ORC5: variants seen among roughly 807,000 people sequenced by gnomAD.
ORC5 encodes the protein protein phosphatase 1, regulatory subunit 117.
In ORC5, 39 loss-of-function variants were observed where a neutral mutation model predicts 58.8. The ratio of observed to expected loss-of-function variants is 0.66; its 90% CI spans 0.51 to 0.87. The LOEUF (loss-of-function observed/expected upper bound fraction) is 0.87. Ranked by LOEUF, ORC5 falls within the 40% of genes least tolerant of loss-of-function variation. The pLI, the probability that ORC5 is intolerant of heterozygous loss-of-function variation, is 0.00. For missense variants in ORC5, 493 were observed against 506.3 expected (o/e 0.97, Z 0.25); for synonymous variants, 218 against 177.6 (o/e 1.23, Z -1.81).
intron 12 of ORC5, among the ~76,000 whole-genome samples, chr7:104,137,306 G>C (rs1798606203): frequency 6.6e-6 from 1 of 151,254 alleles, no homozygotes; most frequent in African/African-American, 2.4e-5. Context: ...GTTTTGTAGA[G>C]ACAGGGTCTC....
intron 6 of ORC5, among the ~76,000 whole-genome samples, chr7:104,185,815 T>C (rs1193572717): frequency 6.6e-6 from 1 of 151,874 alleles, no homozygotes; most frequent in Admixed American, 6.6e-5. Flanking sequence ...TATATATTAG[T>C]TTGTTCCCAA....
chr7:104,161,989 TAATAA>T (rs759424120), intron 11 of ORC5, among the ~76,000 whole-genome samples: 13 of 152,174 alleles, frequency 8.5e-5, no homozygotes, highest in Non-Finnish European at 1.5e-4. Context: ...CTTAGAAAAC[TAATAA>T]AATATTTTAT....
chr7:104,192,406 A>G (rs1799696091), intron 5 of ORC5, among the ~76,000 whole-genome samples: 2 of 152,170 alleles, frequency 1.3e-5, no homozygotes, highest in Admixed American at 1.3e-4. Flanking sequence ...CACTAGTCAG[A>G]AGGCAGAGAC....
chr7:104,147,807 C>T (rs1411848962), intron 12 of ORC5, among the ~76,000 whole-genome samples: 1 of 152,194 alleles, frequency 6.6e-6, no homozygotes, highest in Non-Finnish European at 1.5e-5. Context: ...CAAAATAATA[C>T]TTCACATTGG....
At chr7:104,200,417 AT>A (rs2116086185) in intron 3 of ORC5, among the ~76,000 whole-genome samples, 1 of 152,244 alleles carries the variant, frequency 6.6e-6, no homozygotes, top group South Asian at 2.1e-4. Context: ...TCTATCTGAA[AT>A]TCCTCTACTT....
At chr7:104,162,043 T>A (rs1245762602) in intron 11 of ORC5, among the ~76,000 whole-genome samples, 2 of 152,208 alleles carry the variant, frequency 1.3e-5, no homozygotes, top group African/African-American at 2.4e-5. Context: ...ATGTAAAATT[T>A]AAAAAAATTT....
intron 2 of ORC5, among the ~76,000 whole-genome samples, chr7:104,202,782 G>A: frequency 6.6e-6 from 1 of 152,216 alleles, no homozygotes; most frequent in East Asian, 1.9e-4. Flanking sequence ...CCAGGCATAT[G>A]TGTTTTTTAA....
rs774309470 is a variant in ORC5, at chr7:104,184,031, T to C, written c.736A>G (p.Ser246Gly). Residue 246 changes from serine to glycine, a missense_variant and splice_region_variant, in exon 8 of 14, where the codon AGT becomes GGT. Ser to Gly is a moderately conservative substitution (Grantham distance 56). Around this residue, in one of 3 missense-constraint regions of ORC5, gnomAD observed 412 missense variants for 403.7 expected, o/e 1.02. Transcript: ENST00000297431. ...YCEPVVKGEA[S>G]ERDTRKLWRN... ...CACAGTTTGCGAGTATCACGTTCAC[T>C]TGCTACCCCAAAGGGAAGAAAATTT... The C allele has an allele frequency of 1.7e-5, 28 of 1,612,394 alleles. No homozygotes were observed. Among genetic ancestry groups the C allele is most frequent in the African/African-American group, 6.7e-5 (5 of 74,882 alleles).
At chr7:104,127,031 G>A in intron 13 of ORC5, 138 bp from the exon 14 acceptor site, 3 of 497,464 alleles carry the variant, frequency 6.0e-6, no homozygotes. Context: ...ACCCTGATAG[G>A]ACTGACATTA....
At position 104,138,827 on chromosome 7, in the gene ORC5, T is replaced by C. The variant is rs1364737263; in HGVS notation, c.1150-1934A>G. On this transcript the variant is annotated intron_variant, in intron 12 of 13. Transcript: ENST00000297431. This position sits in a 1 kb window ranked among gnomAD's most constrained non-coding sequence, Gnocchi z 4.7. ...CACCCAACCATTGCTTTAAAACTTATTGCTGATCGTGTACTCAGGAAAACA... is the reference window on the plus strand; with the variant it reads ...CACCCAACCATTGCTTTAAAACTTACTGCTGATCGTGTACTCAGGAAAACA... Among the ~76,000 whole-genome samples, 2 of 152,174 alleles carry C rather than the reference T, an allele frequency of 1.3e-5. No homozygotes were observed. Among genetic ancestry groups the C allele is most frequent in the African/African-American group, 4.8e-5 (2 of 41,454 alleles).
intron 2 of ORC5, among the ~76,000 whole-genome samples, chr7:104,201,628 A>T (rs778716557): frequency 5.7e-4 from 44 of 77,454 alleles, no homozygotes; most frequent in Middle Eastern, 6.9e-3. Context: ...TGTCACTATT[A>T]AAAAAAAAAA....
At chr7:104,197,025 C>G (rs904563731) in intron 4 of ORC5, among the ~76,000 whole-genome samples, 1 of 152,128 alleles carries the variant, frequency 6.6e-6, no homozygotes, top group Non-Finnish European at 1.5e-5. Context: ...CTAGTAAGTC[C>G]GCCCCTGTCC....
chr7:104,171,114 T>C (rs1428633726), intron 8 of ORC5, among the ~76,000 whole-genome samples: 1 of 152,224 alleles, frequency 6.6e-6, no homozygotes, highest in South Asian at 2.1e-4. Context: ...TTCTAAGTTA[T>C]TGAATTTCAA....
chr7:104,160,564 TAA>T (rs568395094), intron 12 of ORC5, among the ~76,000 whole-genome samples: 4 of 152,312 alleles, frequency 2.6e-5, no homozygotes, highest in African/African-American at 4.8e-5. Flanking sequence ...TTGTTTTTTT[TAA>T]AGTCATATTT....
At chr7:104,177,770 T>A (rs764483247) in intron 8 of ORC5, among the ~76,000 whole-genome samples, 9 of 152,148 alleles carry the variant, frequency 5.9e-5, no homozygotes, top group Non-Finnish European at 8.8e-5. Context: ...TTCCCCTCCG[T>A]GTCCATGTGT....
rs1326601660 is a variant in ORC5, at chr7:104,184,949, C to T, written c.685-778G>A. Among the ~76,000 whole-genome samples, 4 of 152,252 alleles carry T rather than the reference C, an allele frequency of 2.6e-5. No individual in the cohort carries two copies. In the East Asian group the frequency reaches 5.8e-4, roughly 22 times the overall value. ...AACCAAGTCTTTGCTCCTCTCCCTC[C>T]AATAACCTGTTATGCCATGCTCCAA... On this transcript the variant is annotated intron_variant, in intron 6 of 13. Coordinates refer to ENST00000297431, the MANE Select transcript of ORC5 (RefSeq NM_002553.4).
At position 104,166,777 on chromosome 7, in the gene ORC5, G is replaced by A; in HGVS notation, c.985C>T (p.Leu329Phe). ...NPARTDKRFF[L>F]KHHGKIKKTN... ...AAGAAGTATGTTATTATTACCTTAA[G>A]AAAAAACCTCTTGTCAGTTCTTGCT... Residue 329 changes from leucine (L) to phenylalanine (F), a missense_variant, in exon 10 of 14, where the codon CTT becomes TTT. This residue lies in a region of ORC5 where 412 missense variants were observed against 403.7 expected (regional missense o/e 1.02). Transcript: ENST00000297431. 6.4e-7 allele frequency: 1 copy of A among 1,552,756 alleles called. No individual in the cohort carries two copies. The highest frequency in any genetic ancestry group is 8.8e-7 in the Non-Finnish European group (1 of 1,130,290).
chr7:104,168,228 G>C (rs1799140424), intron 9 of ORC5: 2 of 1,035,694 alleles, frequency 1.9e-6, no homozygotes, highest in Non-Finnish European at 2.5e-6. Flanking sequence ...GAAACTGCTT[G>C]ATTTTCATGA....
At chr7:104,163,025 T>A (rs960015395) in intron 11 of ORC5, among the ~76,000 whole-genome samples, 4 of 152,260 alleles carry the variant, frequency 2.6e-5, no homozygotes, top group African/African-American at 4.8e-5. Flanking sequence ...AGTCCATTTT[T>A]AAATTACCTT....
Sources: allele counts gnomAD v4.1 joint callset (sites outside exome capture counted in the v4.1 genomes callset), GRCh38; gene constraint gnomAD v4.1.1; regional missense constraint gnomAD v4.1.1; non-coding constraint Gnocchi (gnomAD v3.1); transcripts MANE v1.5; gene names NCBI Gene and HGNC (gene_info 2026-07-23, HGNC 2026-07-21).